GSTCD: variants seen among roughly 807,000 people sequenced by gnomAD.
GSTCD encodes glutathione S-transferase C-terminal domain-containing protein.
In GSTCD, 44 loss-of-function variants were observed where a neutral mutation model predicts 68.3. The ratio of observed to expected loss-of-function variants is 0.64; its 90% CI spans 0.51 to 0.83. GSTCD has a LOEUF of 0.83. Among genes scored for constraint, GSTCD ranks in the 40% least tolerant of loss-of-function variants. GSTCD has a pLI of 0.00. For synonymous variants in GSTCD, 273 were observed against 255.2 expected (o/e 1.07, Z -0.67); for missense variants, 739 against 735.9 (o/e 1.00, Z -0.05).
intron 4 of GSTCD, among the ~76,000 whole-genome samples, chr4:105,727,299 G>A (rs1733074180): frequency 6.6e-6 from 1 of 151,850 alleles, no homozygotes; most frequent in Non-Finnish European, 1.5e-5. Context: ...TGAGGCAGGT[G>A]GATCACTTGA....
At chr4:105,787,008 C>T (rs748428876) in intron 5 of GSTCD, among the ~76,000 whole-genome samples, 2 of 152,020 alleles carry the variant, frequency 1.3e-5, no homozygotes, top group Non-Finnish European at 2.9e-5. Flanking sequence ...GAATTGAAAA[C>T]ATACACCCAA....
At chr4:105,812,505 C>G (rs80229879) in intron 5 of GSTCD, among the ~76,000 whole-genome samples, 3,739 of 152,098 alleles carry the variant, frequency 0.025, 69 homozygotes, top group Middle Eastern at 0.051. Context: ...TGGCTGTATA[C>G]TATGTTTTAA....
At chr4:105,765,654 TC>T (rs1319211354) in intron 5 of GSTCD, among the ~76,000 whole-genome samples, 2 of 152,168 alleles carry the variant, frequency 1.3e-5, no homozygotes, top group African/African-American at 4.8e-5. Context: ...TGGCTCTGTG[TC>T]CCCACCCAAA....
intron 3 of GSTCD, among the ~76,000 whole-genome samples, chr4:105,721,716 A>G (rs1282596540): frequency 6.6e-6 from 1 of 152,132 alleles, no homozygotes; most frequent in East Asian, 1.9e-4. Context: ...AACCTGCTGC[A>G]AGCTCTTCCT....
At chr4:105,729,189 T>C (rs1733144551) in intron 4 of GSTCD, among the ~76,000 whole-genome samples, 1 of 152,160 alleles carries the variant, frequency 6.6e-6, no homozygotes, top group Admixed American at 6.6e-5. Flanking sequence ...TACTTTTTAT[T>C]ATCACAATAT....
At chr4:105,822,675 A>G (rs947364729) in intron 5 of GSTCD, among the ~76,000 whole-genome samples, 6 of 152,132 alleles carry the variant, frequency 3.9e-5, no homozygotes, top group Non-Finnish European at 7.4e-5. Flanking sequence ...TAAAAGACAT[A>G]TTGTTCCCCA....
rs753623669 is a variant in GSTCD, at chr4:105,719,043, T to C, written c.427-17T>C. The C allele has an allele frequency of 1.3e-6, 2 of 1,532,628 alleles. No individual in the cohort carries two copies. Among genetic ancestry groups the C allele is most frequent in the South Asian group, 2.4e-5 (2 of 83,340 alleles). 94.9% of individuals were successfully genotyped at this position (1,532,628 alleles called of 1,614,324 possible). ...TTAAAAAATCTTTTCATTTCTTGTT[T>C]TGTTTTTGTTTTGTAGGTTAGTCAG... On this transcript the variant is annotated splice_polypyrimidine_tract_variant and intron_variant, in intron 2 of 11. Transcript: ENST00000515279.
At chr4:105,714,950 T>G (rs1264758093) in intron 1 of GSTCD, among the ~76,000 whole-genome samples, 3 of 152,200 alleles carry the variant, frequency 2.0e-5, no homozygotes, top group African/African-American at 7.2e-5. Context: ...TCTACATATC[T>G]TAAAAGCTAT....
intron 1 of GSTCD, among the ~76,000 whole-genome samples, chr4:105,715,744 C>T (rs1732662350): frequency 7.4e-6 from 1 of 134,970 alleles, no homozygotes; most frequent in African/African-American, 3.1e-5. Flanking sequence ...ATTAAGTGTA[C>T]ACTAACATTT....
chr4:105,744,206 A>G (rs571364067), intron 5 of GSTCD, among the ~76,000 whole-genome samples: 1 of 152,260 alleles, frequency 6.6e-6, no homozygotes, highest in East Asian at 1.9e-4. Flanking sequence ...CCAGTTATGC[A>G]TTTTGGGCAG....
At chr4:105,836,034 A>T (rs1027473831) in intron 9 of GSTCD, among the ~76,000 whole-genome samples, 1 of 151,398 alleles carries the variant, frequency 6.6e-6, no homozygotes, top group African/African-American at 2.4e-5. Context: ...ATCTCATCTC[A>T]TCTCATCTCT....
At chr4:105,769,227 ACGCG>A (rs1249963113) in intron 5 of GSTCD, among the ~76,000 whole-genome samples, 2 of 62,060 alleles carry the variant, frequency 3.2e-5, no homozygotes, top group African/African-American at 6.3e-5. Flanking sequence ...TATACTATAC[ACGCG>A]CGCACACACA....
intron 2 of GSTCD, among the ~76,000 whole-genome samples, chr4:105,718,745 T>C (rs1247890566): frequency 6.6e-6 from 1 of 152,194 alleles, no homozygotes; most frequent in African/African-American, 2.4e-5. Flanking sequence ...TACATATAAA[T>C]AGGAGCTCAA....
chr4:105,746,355 G>A (rs760468244), intron 5 of GSTCD: 1 of 152,088 alleles, frequency 6.6e-6, no homozygotes, highest in Non-Finnish European at 1.5e-5. Context: ...GAAGTGGAGG[G>A]GTTGGTCTTG....
chr4:105,773,638 G>C (rs994655557), intron 5 of GSTCD, among the ~76,000 whole-genome samples: 1 of 152,134 alleles, frequency 6.6e-6, no homozygotes, highest in Non-Finnish European at 1.5e-5. Context: ...CTCAGGAGCA[G>C]GTTGTTCAGT....
rs567823425 is a variant in GSTCD at position 105,814,033 on chromosome 4, GGTT to G, written c.1241-8918_1241-8916del. Among the ~76,000 whole-genome samples the G allele has an allele frequency of 2.9e-3, 445 of 152,248 alleles. 3 individuals are homozygous for G. The highest frequency in any genetic ancestry group is 0.01 in the Middle Eastern group (3 of 294). The stretch of plus-strand genomic sequence containing the variant: ...CTAAATTAATGAACTAGTCTGTTGA[GGTT>G]GTCATGAAAGAACCAGAGAAAAAGA... On this transcript the variant is annotated intron_variant, in intron 5 of 11. Coordinates refer to ENST00000515279, the MANE Select transcript of GSTCD (RefSeq NM_001370181.1).
intron 5 of GSTCD, among the ~76,000 whole-genome samples, chr4:105,731,134 C>A (rs1733224284): frequency 2.0e-5 from 3 of 152,088 alleles, no homozygotes; most frequent in African/African-American, 7.2e-5. Flanking sequence ...GTTACTGTAG[C>A]CTTGTAGTAT....
At chr4:105,748,002 C>T (rs1161999272) in intron 5 of GSTCD, among the ~76,000 whole-genome samples, 2 of 152,056 alleles carry the variant, frequency 1.3e-5, no homozygotes, top group Non-Finnish European at 1.5e-5. Flanking sequence ...CTCATGTAAT[C>T]CCAGCACTTT....
rs150855392 is a variant in GSTCD at position 105,761,841 on chromosome 4, T to C, written c.1240+32342T>C. ...TCGAAGCCACATTTTTGTGTCTGTGTAGCTTGTCATCCTCAATAAAATCTG... is the reference window on the plus strand; with the variant it reads ...TCGAAGCCACATTTTTGTGTCTGTGCAGCTTGTCATCCTCAATAAAATCTG... On this transcript the variant is annotated intron_variant, in intron 5 of 11. Coordinates refer to ENST00000515279, the MANE Select transcript of GSTCD (RefSeq NM_001370181.1). 3.9e-5 allele frequency: 6 copies of C among 152,358 alleles called. No individual in the cohort carries two copies. The East Asian group carries it at 1.2e-3, about 29-fold the overall frequency. 9.4% of individuals were successfully genotyped at this position (152,358 alleles called of 1,614,324 possible). A position where few individuals can be genotyped will look rare whatever the true frequency, so the allele number is the denominator to read the frequency against.
Sources: allele counts gnomAD v4.1 joint callset (sites outside exome capture counted in the v4.1 genomes callset), GRCh38; gene constraint gnomAD v4.1.1; transcripts MANE v1.5; gene names NCBI Gene and HGNC (gene_info 2026-07-23, HGNC 2026-07-21).